The following CNTN3 variants were observed in gnomAD, a reference collection of about 807,000 sequenced individuals.
The protein encoded by CNTN3 is contactin 3, also known as contactin-3.
A neutral mutation model predicts 119.1 loss-of-function variants in CNTN3; 60 were observed. That is an observed-to-expected ratio of 0.50 (90% CI 0.41 to 0.62). The LOEUF (loss-of-function observed/expected upper bound fraction) is 0.62, where lower values mean the gene tolerates loss of function less well. Ranked by LOEUF, CNTN3 falls within the 20% of genes least tolerant of loss-of-function variation. The probability of loss-of-function intolerance (pLI) is 0.00; values close to 1 mark genes in which losing one functional copy is unlikely to be tolerated. For missense variants in CNTN3, 1,101 were observed against 1,242.4 expected, an observed-to-expected ratio of 0.89 and a Z score of 1.71; for synonymous variants, 450 against 438.7, an observed-to-expected ratio of 1.03 and a Z score of -0.32.
rs1320093330 is a variant in CNTN3 at position 74,371,316 on chromosome 3, G to A, written c.538C>T (p.His180Tyr). The A allele has an allele frequency of 6.2e-7, 1 of 1,613,134 alleles. No individual in the cohort carries two copies. Among genetic ancestry groups the A allele is most frequent in the Admixed American group, 1.7e-5 (1 of 59,894 alleles). ...SRRFVSQETG[H>Y]LYISKVEPSD... ...GGCTCCACCTTAGATATGTAGAGGTGCCCTGTCTCCTGGGAGACAAATCTC... is the reference window on the plus strand; with the variant it reads ...GGCTCCACCTTAGATATGTAGAGGTACCCTGTCTCCTGGGAGACAAATCTC... The change falls in exon 6 of 23, where the codon CAC (histidine) becomes TAC (tyrosine). Residue 180 changes from histidine (H) to tyrosine (Y), a missense_variant. By Grantham distance (83) the His-to-Tyr change is moderately conservative. Transcript: ENST00000263665.
chr3:74,581,862 T>A (rs1704515045), intron 1 of CNTN3, among the ~76,000 whole-genome samples: 4 of 152,182 alleles, frequency 2.6e-5, no homozygotes, highest in Admixed American at 2.6e-4. Flanking sequence ...GGAAGTCTTG[T>A]TAATAAATGT....
intron 3 of CNTN3, among the ~76,000 whole-genome samples, chr3:74,490,710 C>A (rs891870404): frequency 6.6e-6 from 1 of 152,100 alleles, no homozygotes; most frequent in Non-Finnish European, 1.5e-5. Flanking sequence ...TCCTTTAGTT[C>A]GGTCTTCATC....
At chr3:74,512,996 A>AAG (rs1334506870) in intron 2 of CNTN3, among the ~76,000 whole-genome samples, 13 of 152,166 alleles carry the variant, frequency 8.5e-5, no homozygotes, top group Non-Finnish European at 1.3e-4. Context: ...GAAGTCATGC[A>AAG]AGGTATTTTA....
At chr3:74,377,010 T>A (rs1265167424) in intron 5 of CNTN3, among the ~76,000 whole-genome samples, 2 of 151,872 alleles carry the variant, frequency 1.3e-5, no homozygotes, top group Non-Finnish European at 2.9e-5. Context: ...TTATTTAATA[T>A]GATTATAAGA....
intron 4 of CNTN3, among the ~76,000 whole-genome samples, chr3:74,438,396 A>T (rs571213364): frequency 1.3e-5 from 2 of 152,344 alleles, no homozygotes; most frequent in African/African-American, 4.8e-5. Context: ...TGAGAAAATA[A>T]ATGCAAAGTT....
At chr3:74,286,757 G>C (rs1029722586) in intron 19 of CNTN3, among the ~76,000 whole-genome samples, 3 of 152,184 alleles carry the variant, frequency 2.0e-5, no homozygotes, top group African/African-American at 4.8e-5. Context: ...CCACTCCAGG[G>C]GAGAGGGTTG....
rs188765153 is a variant in CNTN3 at position 74,536,695 on chromosome 3, A to G, written c.-80-15503T>C. 2.6e-5 allele frequency among the ~76,000 whole-genome samples: 4 copies of G among 152,214 alleles called. No individual in the cohort carries two copies. The East Asian group carries it at 5.8e-4, about 22-fold the overall frequency. On this transcript the variant is annotated intron_variant, in intron 1 of 22. Coordinates refer to ENST00000263665, the MANE Select transcript of CNTN3 (RefSeq NM_020872.3). ...TCCTGCTTACTTAGACCCTCCGATA[A>G]GGTACTACCATGTGGACATTTGGAG...
chr3:74,519,389 C>T (rs1211866808), intron 2 of CNTN3, among the ~76,000 whole-genome samples: 5 of 151,738 alleles, frequency 3.3e-5, no homozygotes, highest in Non-Finnish European at 7.4e-5. Context: ...ATATGTAAAA[C>T]ATTTCTCAAA....
chr3:74,536,745 C>T (rs1427821594), intron 1 of CNTN3, among the ~76,000 whole-genome samples: 3 of 152,076 alleles, frequency 2.0e-5, no homozygotes, highest in African/African-American at 7.2e-5. Context: ...AGGAGCAGAA[C>T]AAGTTCCCTT....
chr3:74,548,778 C>T, intron 1 of CNTN3, among the ~76,000 whole-genome samples: 1 of 152,074 alleles, frequency 6.6e-6, no homozygotes, highest in East Asian at 1.9e-4. Context: ...TTTCTAAGAA[C>T]CTGCTGGCTT....
At chr3:74,578,306 C>A (rs1704450231) in intron 1 of CNTN3, among the ~76,000 whole-genome samples, 1 of 151,974 alleles carries the variant, frequency 6.6e-6, no homozygotes. Flanking sequence ...ATGGCACAGT[C>A]CAATGTTTCT....
rs1702086175 is a variant in CNTN3, at chr3:74,285,196, A to G, written c.2704+109T>C. 3 of 1,208,734 alleles carry G rather than the reference A, an allele frequency of 2.5e-6. 1 individual carries two copies. Among genetic ancestry groups the G allele is most frequent in the Middle Eastern group, 4.0e-4 (2 of 4,982 alleles). The allele number at this position is 1,208,734 out of a possible 1,614,324, so 74.9% of individuals were successfully genotyped here. On this transcript the variant is annotated intron_variant, in intron 20 of 22. Transcript: ENST00000263665. ...TAGGTTTTGGAGTTAGGTTTATATAATCTAGTGAGATTAATGACTTGGGTT... is the reference window on the plus strand; with the variant it reads ...TAGGTTTTGGAGTTAGGTTTATATAGTCTAGTGAGATTAATGACTTGGGTT...
chr3:74,427,438 C>A (rs114367486), intron 4 of CNTN3, among the ~76,000 whole-genome samples: 2 of 152,028 alleles, frequency 1.3e-5, no homozygotes, highest in Non-Finnish European at 2.9e-5. Context: ...CAAGGTATAG[C>A]GAGACTTTTC....
intron 4 of CNTN3, among the ~76,000 whole-genome samples, chr3:74,435,844 G>C (rs959334709): frequency 1.3e-5 from 2 of 152,044 alleles, no homozygotes; most frequent in African/African-American, 4.8e-5. Context: ...TTTTGTCTTT[G>C]TATTATGCAA....
At chr3:74,613,123 C>A (rs1042448351) in intron 1 of CNTN3, among the ~76,000 whole-genome samples, 1 of 152,116 alleles carries the variant, frequency 6.6e-6, no homozygotes, top group African/African-American at 2.4e-5. Context: ...GCAATTACTC[C>A]TCCTTTCAAT....
chr3:74,491,432 G>A (rs768149680), intron 3 of CNTN3, among the ~76,000 whole-genome samples: 6 of 152,060 alleles, frequency 3.9e-5, no homozygotes, highest in South Asian at 2.1e-4. Context: ...CCTGGAAGAT[G>A]GAAGTTGCTG....
chr3:74,421,895 C>T (rs1206115626), intron 5 of CNTN3, among the ~76,000 whole-genome samples: 1 of 152,204 alleles, frequency 6.6e-6, no homozygotes, highest in Non-Finnish European at 1.5e-5. Flanking sequence ...ATACCAGCTG[C>T]TGTGGACAGA....
intron 20 of CNTN3, among the ~76,000 whole-genome samples, chr3:74,283,825 G>A (rs1702060762): frequency 6.6e-6 from 1 of 152,072 alleles, no homozygotes; most frequent in Non-Finnish European, 1.5e-5. Context: ...TTTTGTATCT[G>A]TATTTCCAAA....
intron 5 of CNTN3, among the ~76,000 whole-genome samples, chr3:74,390,910 T>C (rs1329593855): frequency 6.6e-6 from 1 of 152,228 alleles, no homozygotes; most frequent in East Asian, 1.9e-4. Context: ...CTGTGTACTG[T>C]GAAAGTATTT....
Sources: allele counts gnomAD v4.1 joint callset (sites outside exome capture counted in the v4.1 genomes callset), GRCh38; gene constraint gnomAD v4.1.1; transcripts MANE v1.5; gene names NCBI Gene and HGNC (gene_info 2026-07-23, HGNC 2026-07-21).